DEPTOR: variants seen among roughly 807,000 people sequenced by gnomAD.
The protein encoded by DEPTOR is DEP domain-containing mTOR-interacting protein.
Under a neutral mutation model 41.6 loss-of-function variants are expected in DEPTOR, and 41 were observed. The ratio of observed to expected loss-of-function variants is 0.98; its 90% confidence interval spans 0.77 to 1.28. The LOEUF (loss-of-function observed/expected upper bound fraction) is 1.28. Ranked by LOEUF, DEPTOR falls within the 50% of genes most tolerant of loss-of-function variation. DEPTOR has a pLI of 0.00. For synonymous variants in DEPTOR, 195 were observed against 192.3 expected (o/e 1.01, Z -0.12); for missense variants, 514 against 527.9 (o/e 0.97, Z 0.26).
At chr8:119,952,491 G>A (rs1276757036) in intron 3 of DEPTOR, among the ~76,000 whole-genome samples, 3 of 152,202 alleles carry the variant, frequency 2.0e-5, no homozygotes, top group Non-Finnish European at 4.4e-5. Context: ...AGATACATGT[G>A]CAGAACGTGC....
Position 119,967,203 on chromosome 8 carries a change from C to T in DEPTOR, c.604+1793C>T, listed in dbSNP as rs113183614. ...AGGTGATGCTTCTACCTTAGCCTTC[C>T]GAGTTGCTGAGATTACAGACGTGCA... is the stretch of plus-strand genomic sequence containing the variant. On this transcript the variant is annotated intron_variant, in intron 4 of 8. Coordinates refer to ENST00000286234, the MANE Select transcript of DEPTOR (RefSeq NM_022783.4). 3.5e-3 allele frequency among the ~76,000 whole-genome samples: 529 copies of T among 151,936 alleles called. 3 individuals carry two copies. Among genetic ancestry groups the T allele is most frequent in the African/African-American group, 0.012 (498 of 41,462 alleles).
In DEPTOR at chr8:120,047,461, G is replaced by A. The variant is rs192487291; in HGVS notation, c.1102-2115G>A. ...CGGCTCACTACAACCTCCACCTCCCGGGTTCAAGTGATTCTTCTGCCTCAG... is the reference window on the plus strand; with the variant it reads ...CGGCTCACTACAACCTCCACCTCCCAGGTTCAAGTGATTCTTCTGCCTCAG... On this transcript the variant is annotated intron_variant, in intron 8 of 8. Transcript: ENST00000286234. 2.4e-3 allele frequency among the ~76,000 whole-genome samples: 370 copies of A among 151,708 alleles called. 6 individuals are homozygous for A. Among genetic ancestry groups the A allele is most frequent in the Admixed American group, 0.012 (189 of 15,222 alleles).
intron 8 of DEPTOR, among the ~76,000 whole-genome samples, chr8:120,034,276 CA>C (rs1160409678): frequency 2.7e-5 from 4 of 148,222 alleles, no homozygotes; most frequent in Non-Finnish European, 4.5e-5. Flanking sequence ...CACACACACA[CA>C]CACACACACA....
At chr8:119,976,260 C>T (rs1307671684) in intron 4 of DEPTOR, among the ~76,000 whole-genome samples, 3 of 151,998 alleles carry the variant, frequency 2.0e-5, no homozygotes, top group Non-Finnish European at 2.9e-5. Context: ...CAGATGGCAC[C>T]CTGTGTCTTA....
intron 3 of DEPTOR, among the ~76,000 whole-genome samples, chr8:119,930,489 G>A (rs532198970): frequency 1.3e-5 from 2 of 152,202 alleles, no homozygotes; most frequent in East Asian, 1.9e-4. Context: ...TACCAACTTC[G>A]GCCTCCCAAA....
rs147941291 is a variant in DEPTOR, at chr8:119,968,439, G to A, written c.604+3029G>A. ...AGGGATTCTCCTGCCTCAGCCTCCC[G>A]AGTAGCTGTGCACCACCACACTCAG... is the stretch of plus-strand genomic sequence containing the variant. On this transcript the variant is annotated intron_variant, in intron 4 of 8. Transcript: ENST00000286234. Among the ~76,000 whole-genome samples, 195 of 151,786 alleles carry A rather than the reference G, an allele frequency of 1.3e-3. 2 individuals are homozygous for A. In the East Asian group the frequency reaches 0.035, roughly 27 times the overall value.
At chr8:120,006,770 A>G in intron 6 of DEPTOR, 35 bp from the exon 7 acceptor site, 2 of 1,599,718 alleles carry the variant, frequency 1.3e-6, no homozygotes, top group Non-Finnish European at 1.7e-6. Flanking sequence ...AGGACTTGGA[A>G]GTGCTTATGT....
chr8:119,887,978 C>T (rs1255064450), intron 1 of DEPTOR, among the ~76,000 whole-genome samples: 1 of 151,974 alleles, frequency 6.6e-6, no homozygotes, highest in Non-Finnish European at 1.5e-5. Context: ...TGCCAACACA[C>T]CTGGCTAATT....
At chr8:119,890,832 C>T (rs28589493) in intron 1 of DEPTOR, among the ~76,000 whole-genome samples, 7,698 of 152,090 alleles carry the variant, frequency 0.051, 307 homozygotes, top group South Asian at 0.17. Flanking sequence ...GAATCCAGGC[C>T]TCTCAGAATA....
chr8:119,964,653 C>T (rs552616379), intron 3 of DEPTOR, among the ~76,000 whole-genome samples: 2 of 151,388 alleles, frequency 1.3e-5, no homozygotes, highest in South Asian at 2.1e-4. Context: ...TAGAATAGAA[C>T]ATGAAATTGT....
chr8:120,012,939 C>T (rs997744625), intron 8 of DEPTOR, among the ~76,000 whole-genome samples: 3 of 151,480 alleles, frequency 2.0e-5, no homozygotes, highest in African/African-American at 7.3e-5. Flanking sequence ...GGAAGATCAC[C>T]CAAGGTCAGG....
chr8:119,950,751 T>A (rs1184795172), intron 3 of DEPTOR, among the ~76,000 whole-genome samples: 1 of 152,088 alleles, frequency 6.6e-6, no homozygotes, highest in African/African-American at 2.4e-5. Flanking sequence ...TGCACCACTA[T>A]GCCCAGCTAA....
intron 4 of DEPTOR, among the ~76,000 whole-genome samples, chr8:119,993,816 G>C (rs1489428080): frequency 6.6e-6 from 1 of 151,626 alleles, no homozygotes; most frequent in Non-Finnish European, 1.5e-5. Context: ...TATGTAGCAA[G>C]GATTTTTATA....
chr8:119,889,667 A>AGGATGGGGAGGGGAGGGGG (rs1308530207), intron 1 of DEPTOR, among the ~76,000 whole-genome samples: 2 of 13,502 alleles, frequency 1.5e-4, no homozygotes, highest in Admixed American at 1.1e-3. Flanking sequence ...AGGGGAGGGG[A>AGGATGGGGAGGGGAGGGGG]GGGGAGAGGA....
intron 3 of DEPTOR, among the ~76,000 whole-genome samples, chr8:119,943,929 C>G (rs1004012022): frequency 6.1e-4 from 93 of 152,132 alleles, no homozygotes; most frequent in African/African-American, 2.1e-3. Flanking sequence ...GCTCCGCCTC[C>G]CGGGTTCACG....
chr8:119,970,057 T>C (rs1828613288), intron 4 of DEPTOR, among the ~76,000 whole-genome samples: 1 of 152,190 alleles, frequency 6.6e-6, no homozygotes, highest in African/African-American at 2.4e-5. Flanking sequence ...TGCGCTTTAC[T>C]CAAGGCAGAA....
rs141711058 is a variant in DEPTOR at position 119,939,543 on chromosome 8, A to G, written c.425+9605A>G. Among the ~76,000 whole-genome samples, 268 of 152,238 alleles carry G rather than the reference A, an allele frequency of 1.8e-3. 1 individual carries two copies. The highest frequency in any genetic ancestry group is 2.5e-3 in the Non-Finnish European group (171 of 68,014). Reference sequence around the variant, plus strand: ...TATTCTGTCACCCAGGCTGGAGTGCATTGGTGCGATCTCGGCTCACTGCAA... The same window carrying G: ...TATTCTGTCACCCAGGCTGGAGTGCGTTGGTGCGATCTCGGCTCACTGCAA... On this transcript the variant is annotated intron_variant, in intron 3 of 8. Transcript: ENST00000286234.
At position 119,972,944 on chromosome 8, in the gene DEPTOR, C is replaced by CT. The variant is rs958136792; in HGVS notation, c.604+7546dup. 8.5e-4 allele frequency among the ~76,000 whole-genome samples: 124 copies of CT among 146,030 alleles called. 1 individual carries two copies. The highest frequency in any genetic ancestry group is 1.7e-3 in the African/African-American group (68 of 40,044). ...TGCAAATGGGAAATGGGATAAATAC[C>CT]TTTTTTTTTTTTGAGACGGAGTTTC... On this transcript the variant is annotated intron_variant, in intron 4 of 8. Coordinates refer to ENST00000286234, the MANE Select transcript of DEPTOR (RefSeq NM_022783.4).
At chr8:119,962,405 C>T (rs1162349300) in intron 3 of DEPTOR, among the ~76,000 whole-genome samples, 3 of 151,814 alleles carry the variant, frequency 2.0e-5, no homozygotes, top group Non-Finnish European at 4.4e-5. Context: ...GAGACCTGAC[C>T]ATAACCGAGA....
Sources: allele counts gnomAD v4.1 joint callset (sites outside exome capture counted in the v4.1 genomes callset), GRCh38; gene constraint gnomAD v4.1.1; transcripts MANE v1.5; gene names NCBI Gene and HGNC (gene_info 2026-07-23, HGNC 2026-07-21).